The following ANKS1B variants were observed in gnomAD, a reference collection of about 807,000 sequenced individuals.
ANKS1B encodes ankyrin repeat and sterile alpha motif domain containing 1B, also known as ankyrin repeat and sterile alpha motif domain-containing protein 1B.
In ANKS1B, 36 loss-of-function variants were observed where a neutral mutation model predicts 148.3. That is an observed-to-expected ratio of 0.24 (90% CI 0.19 to 0.32). The LOEUF (loss-of-function observed/expected upper bound fraction) is 0.32. ANKS1B is among the 10% of genes least tolerant of loss of function. ANKS1B has a pLI of 1.00. For synonymous variants in ANKS1B, 542 were observed against 560.8 expected, an observed-to-expected ratio of 0.97 and a Z score of 0.47; for missense variants, 1,157 against 1,542.6, an observed-to-expected ratio of 0.75 and a Z score of 4.19.
At chr12:99,607,968 T>A (rs1314137797) in intron 9 of ANKS1B, among the ~76,000 whole-genome samples, 3 of 151,982 alleles carry the variant, frequency 2.0e-5, no homozygotes. Context: ...AAGCCCCCTA[T>A]GAGTGGTACA....
intron 8 of ANKS1B, among the ~76,000 whole-genome samples, chr12:99,670,510 T>C (rs1300069631): frequency 1.3e-5 from 2 of 152,098 alleles, no homozygotes; most frequent in African/African-American, 2.4e-5. Flanking sequence ...TTTAAATTTA[T>C]TAAATATTTA....
chr12:99,854,900 C>G (rs1411986002), intron 1 of ANKS1B, among the ~76,000 whole-genome samples: 1 of 152,016 alleles, frequency 6.6e-6, no homozygotes, highest in African/African-American at 2.4e-5. Flanking sequence ...AAAAGGAGCT[C>G]TAAATCTTGA....
chr12:99,799,707 G>A (rs2066708343), intron 4 of ANKS1B, among the ~76,000 whole-genome samples: 1 of 152,056 alleles, frequency 6.6e-6, no homozygotes, highest in South Asian at 2.1e-4. Context: ...TGACATTGGA[G>A]AAGACACCTG....
intron 15 of ANKS1B, among the ~76,000 whole-genome samples, chr12:99,093,150 A>G (rs1369685710): frequency 6.6e-6 from 1 of 152,228 alleles, no homozygotes; most frequent in Non-Finnish European, 1.5e-5. Context: ...ACAAGCTTAC[A>G]TCTATATTTA....
intron 9 of ANKS1B, among the ~76,000 whole-genome samples, chr12:99,583,038 G>A (rs1385323656): frequency 6.6e-6 from 1 of 152,022 alleles, no homozygotes; most frequent in Non-Finnish European, 1.5e-5. Flanking sequence ...AATGCTTATT[G>A]TACCACTATC....
At chr12:99,893,847 C>T (rs984862015) in intron 1 of ANKS1B, among the ~76,000 whole-genome samples, 2 of 152,098 alleles carry the variant, frequency 1.3e-5, no homozygotes, top group African/African-American at 4.8e-5. Context: ...GTGTAGTATT[C>T]CATGGTGAAT....
Position 99,940,931 on chromosome 12 carries a change from C to T in ANKS1B, c.134+43173G>A, listed in dbSNP as rs555945468. Among the ~76,000 whole-genome samples the T allele has an allele frequency of 4.6e-5, 7 of 152,204 alleles. No individual in the cohort carries two copies. The South Asian group carries it at 8.3e-4, about 18-fold the overall frequency. On this transcript the variant is annotated intron_variant, in intron 1 of 26. Coordinates refer to ENST00000683438, the MANE Select transcript of ANKS1B (RefSeq NM_001352186.2). Reference sequence around the variant, plus strand: ...ATACAGACTATAGTAGCCTTCATTTCAATCAAAAGCAGCAGCATATGCCTT... The same window carrying T: ...ATACAGACTATAGTAGCCTTCATTTTAATCAAAAGCAGCAGCATATGCCTT...
intron 10 of ANKS1B, among the ~76,000 whole-genome samples, chr12:99,501,170 T>A (rs1233057956): frequency 2.6e-5 from 4 of 152,204 alleles, no homozygotes; most frequent in Admixed American, 1.3e-4. Context: ...TCACTTTTTC[T>A]TTATAATGGC....
At chr12:99,627,882 T>G (rs1316854419) in intron 9 of ANKS1B, among the ~76,000 whole-genome samples, 2 of 152,172 alleles carry the variant, frequency 1.3e-5, no homozygotes, top group African/African-American at 4.8e-5. Context: ...TTAAAGTTTA[T>G]AAAATTAATA....
intron 1 of ANKS1B, among the ~76,000 whole-genome samples, chr12:99,949,151 T>A (rs1217053893): frequency 1.3e-5 from 2 of 152,068 alleles, no homozygotes; most frequent in Non-Finnish European, 2.9e-5. Flanking sequence ...TATTGTAGGG[T>A]ACAGATTCAA....
intron 14 of ANKS1B, among the ~76,000 whole-genome samples, chr12:99,212,895 C>T (rs966181332): frequency 7.2e-5 from 11 of 152,194 alleles, no homozygotes; most frequent in Admixed American, 4.6e-4. Context: ...CTCCTAGTGA[C>T]ATACTGATGA....
At chr12:99,010,011 G>A (rs891923783) in intron 17 of ANKS1B, among the ~76,000 whole-genome samples, 4 of 152,150 alleles carry the variant, frequency 2.6e-5, no homozygotes, top group Non-Finnish European at 4.4e-5. Context: ...ATTAAGGAAG[G>A]GGCCAGGAGC....
intron 9 of ANKS1B, among the ~76,000 whole-genome samples, chr12:99,573,317 T>C (rs1399948479): frequency 6.6e-6 from 1 of 152,146 alleles, no homozygotes; most frequent in Non-Finnish European, 1.5e-5. Flanking sequence ...ACTTATTAAA[T>C]TGCTGTACTC....
At chr12:98,798,274 A>C (rs919398391) in intron 22 of ANKS1B, among the ~76,000 whole-genome samples, 1 of 152,056 alleles carries the variant, frequency 6.6e-6, no homozygotes, top group Non-Finnish European at 1.5e-5. Flanking sequence ...GGTGCATGCC[A>C]CCATGCCTGG....
intron 16 of ANKS1B, among the ~76,000 whole-genome samples, chr12:99,070,502 G>T (rs749378994): frequency 1.3e-5 from 2 of 152,122 alleles, no homozygotes; most frequent in African/African-American, 4.8e-5. Context: ...CTGGATTGAT[G>T]GCACTAGCTG....
At chr12:99,918,392 CAG>C (rs759529840) in intron 1 of ANKS1B, among the ~76,000 whole-genome samples, 3 of 152,172 alleles carry the variant, frequency 2.0e-5, no homozygotes, top group Non-Finnish European at 4.4e-5. Flanking sequence ...ACACTTTCAC[CAG>C]AGAGTAAATT....
chr12:99,771,784 CA>C (rs1052657091), intron 8 of ANKS1B, among the ~76,000 whole-genome samples: 2 of 151,604 alleles, frequency 1.3e-5, no homozygotes, highest in African/African-American at 4.8e-5. Context: ...CAAAATGAAA[CA>C]AAAAAAGCAG....
intron 1 of ANKS1B, among the ~76,000 whole-genome samples, chr12:99,944,017 T>C (rs1322277099): frequency 1.3e-5 from 2 of 151,502 alleles, no homozygotes; most frequent in Admixed American, 1.3e-4. Flanking sequence ...TATGTTCTCA[T>C]TGTTCAACTC....
chr12:99,075,985 T>C (rs2047751157), intron 16 of ANKS1B, among the ~76,000 whole-genome samples: 1 of 151,812 alleles, frequency 6.6e-6, no homozygotes, highest in African/African-American at 2.4e-5. Flanking sequence ...GGTATCTCTA[T>C]ATAAAAATCA....
Sources: allele counts gnomAD v4.1 joint callset (sites outside exome capture counted in the v4.1 genomes callset), GRCh38; gene constraint gnomAD v4.1.1; transcripts MANE v1.5; gene names NCBI Gene and HGNC (gene_info 2026-07-23, HGNC 2026-07-21).